Variants in KCNJ3 observed in about 807,000 individuals in gnomAD.
KCNJ3 encodes potassium inwardly rectifying channel subfamily J member 3.
Under a neutral mutation model 39.2 loss-of-function variants are expected in KCNJ3, and 4 were observed. That is an observed-to-expected ratio of 0.10 (90% CI 0.05 to 0.23). The LOEUF is 0.23. Ranked by LOEUF, KCNJ3 falls within the 10% of genes least tolerant of loss-of-function variation. The pLI, the probability that KCNJ3 is intolerant of heterozygous loss-of-function variation, is 1.00. For missense variants in KCNJ3, 276 were observed against 634.9 expected, an observed-to-expected ratio of 0.43 and a Z score of 6.08; for synonymous variants, 230 against 237.4, an observed-to-expected ratio of 0.97 and a Z score of 0.29.
intron 2 of KCNJ3, among the ~76,000 whole-genome samples, chr2:154,806,190 C>T (rs1686908498): frequency 6.6e-6 from 1 of 152,132 alleles, no homozygotes; most frequent in Admixed American, 6.6e-5. Flanking sequence ...TCCTCCATTA[C>T]ATGAATACTG....
chr2:154,725,276 T>G (rs1342261520), intron 2 of KCNJ3, among the ~76,000 whole-genome samples: 1 of 151,270 alleles, frequency 6.6e-6, no homozygotes, highest in South Asian at 2.1e-4. Context: ...AGACACGTCC[T>G]CTACTACTTT....
intron 2 of KCNJ3, among the ~76,000 whole-genome samples, chr2:154,820,835 T>C (rs1333178354): frequency 6.6e-6 from 1 of 152,190 alleles, no homozygotes; most frequent in Non-Finnish European, 1.5e-5. Context: ...AAAAGAAAAT[T>C]TGTCCTTAAC....
chr2:154,810,909 A>G (rs1686998192), intron 2 of KCNJ3, among the ~76,000 whole-genome samples: 1 of 152,150 alleles, frequency 6.6e-6, no homozygotes, highest in Non-Finnish European at 1.5e-5. Context: ...GAATAAAGAT[A>G]TTTTATTTGC....
chr2:154,774,618 C>T (rs1426056678), intron 2 of KCNJ3, among the ~76,000 whole-genome samples: 1 of 151,776 alleles, frequency 6.6e-6, no homozygotes, highest in Non-Finnish European at 1.5e-5. Flanking sequence ...TACAAAAATA[C>T]AAATATTTTC....
intron 2 of KCNJ3, among the ~76,000 whole-genome samples, chr2:154,765,677 G>C (rs1461635400): frequency 1.3e-5 from 2 of 152,168 alleles, no homozygotes; most frequent in Non-Finnish European, 2.9e-5. Context: ...TAGCCTAGTG[G>C]TTCCTTAACT....
chr2:154,837,755 T>C, intron 2 of KCNJ3, among the ~76,000 whole-genome samples: 1 of 152,196 alleles, frequency 6.6e-6, no homozygotes, highest in East Asian at 1.9e-4. Context: ...TGCAGTGAAT[T>C]ATAAATAGGA....
chr2:154,785,470 G>A (rs766548192), intron 2 of KCNJ3, among the ~76,000 whole-genome samples: 3 of 152,124 alleles, frequency 2.0e-5, no homozygotes, highest in African/African-American at 7.2e-5. Context: ...TGAAGAGGTG[G>A]GGCCTTTAAG....
At chr2:154,721,515 T>C (rs1320476278) in intron 2 of KCNJ3, among the ~76,000 whole-genome samples, 1 of 152,154 alleles carries the variant, frequency 6.6e-6, no homozygotes. Context: ...CATTTAATCA[T>C]ATCTGCTTGA....
At chr2:154,702,537 C>G (rs1262101607) in intron 1 of KCNJ3, among the ~76,000 whole-genome samples, 1 of 151,772 alleles carries the variant, frequency 6.6e-6, no homozygotes, top group African/African-American at 2.4e-5. Flanking sequence ...TTTTGTAAAA[C>G]TTATTTGCCT....
At chr2:154,747,244 C>G (rs1027321239) in intron 2 of KCNJ3, among the ~76,000 whole-genome samples, 1 of 151,848 alleles carries the variant, frequency 6.6e-6, no homozygotes, top group Non-Finnish European at 1.5e-5. Flanking sequence ...AACAATTACT[C>G]CTTTTACTCG....
chr2:154,806,905 G>T (rs1254263403), intron 2 of KCNJ3, among the ~76,000 whole-genome samples: 2 of 152,110 alleles, frequency 1.3e-5, no homozygotes, highest in African/African-American at 2.4e-5. Flanking sequence ...GTACACCAGG[G>T]TATATTAGAT....
At chr2:154,769,067 C>T (rs1486295586) in intron 2 of KCNJ3, among the ~76,000 whole-genome samples, 1 of 152,144 alleles carries the variant, frequency 6.6e-6, no homozygotes, top group Non-Finnish European at 1.5e-5. Context: ...AGTTGCTTTT[C>T]AGCTTAAGGA....
At chr2:154,817,141 A>C (rs1223472347) in intron 2 of KCNJ3, among the ~76,000 whole-genome samples, 3 of 152,148 alleles carry the variant, frequency 2.0e-5, no homozygotes, top group Non-Finnish European at 4.4e-5. Flanking sequence ...CCTGATAATA[A>C]GAACCTATGT....
chr2:154,847,588 T>C (rs1316534799), intron 2 of KCNJ3, among the ~76,000 whole-genome samples: 1 of 89,424 alleles, frequency 1.1e-5, no homozygotes, highest in African/African-American at 3.3e-5. Context: ...ATTTTCAGGA[T>C]TTTTTCTTCT....
chr2:154,731,805 G>T (rs1230941548), intron 2 of KCNJ3, among the ~76,000 whole-genome samples: 1 of 151,508 alleles, frequency 6.6e-6, no homozygotes, highest in Admixed American at 6.6e-5. Context: ...GGGATTCCAG[G>T]GTAAGCCCAT....
chr2:154,799,989 A>C (rs983425703), intron 2 of KCNJ3, among the ~76,000 whole-genome samples: 1 of 152,174 alleles, frequency 6.6e-6, no homozygotes, highest in Non-Finnish European at 1.5e-5. Flanking sequence ...AATTTCAAAT[A>C]GGATGGTCAG....
intron 2 of KCNJ3, among the ~76,000 whole-genome samples, chr2:154,843,801 G>A (rs867811332): frequency 2.0e-5 from 3 of 152,090 alleles, no homozygotes; most frequent in Non-Finnish European, 2.9e-5. Flanking sequence ...GTCTTTTAAG[G>A]TCTTCTCCAC....
intron 2 of KCNJ3, among the ~76,000 whole-genome samples, chr2:154,727,837 G>A (rs1173104991): frequency 6.6e-6 from 1 of 151,384 alleles, no homozygotes; most frequent in Non-Finnish European, 1.5e-5. Flanking sequence ...TTAGAATACA[G>A]TTCTGCCCTT....
At chr2:154,851,434 C>CATT (rs1437467882) in intron 2 of KCNJ3, among the ~76,000 whole-genome samples, 1 of 152,140 alleles carries the variant, frequency 6.6e-6, no homozygotes, top group African/African-American at 2.4e-5. Flanking sequence ...CATTAACAGG[C>CATT]ATTACCTAAA....
Sources: allele counts gnomAD v4.1 joint callset (sites outside exome capture counted in the v4.1 genomes callset), GRCh38; gene constraint gnomAD v4.1.1; transcripts MANE v1.5; gene names NCBI Gene and HGNC (gene_info 2026-07-23, HGNC 2026-07-21).